Variants in FOCAD observed in about 807,000 individuals in gnomAD.
FOCAD encodes focadhesin.
Under a neutral mutation model 225.6 loss-of-function variants are expected in FOCAD, and 198 were observed. That is an observed-to-expected ratio of 0.88 (90% CI 0.78 to 0.99). FOCAD has a LOEUF of 0.99. Among genes scored for constraint, FOCAD ranks in the 50% least tolerant of loss-of-function variants. The probability of loss-of-function intolerance (pLI) is 0.00; values close to 1 mark genes in which losing one functional copy is unlikely to be tolerated. For missense variants in FOCAD, 2,713 were observed against 2,123.6 expected (o/e 1.28, Z -5.46); for synonymous variants, 897 against 755.0 (o/e 1.19, Z -3.08).
At chr9:20,756,723 T>G (rs1179267688) in intron 5 of FOCAD, among the ~76,000 whole-genome samples, 2 of 152,226 alleles carry the variant, frequency 1.3e-5, no homozygotes, top group Admixed American at 6.5e-5. Flanking sequence ...CAGTTGATCT[T>G]ACTAGTAAGG....
chr9:20,762,937 G>A (rs1030009400), intron 6 of FOCAD, among the ~76,000 whole-genome samples: 7 of 152,070 alleles, frequency 4.6e-5, no homozygotes, highest in African/African-American at 1.4e-4. Flanking sequence ...TTTAAATACC[G>A]TTTCTTCCGT....
At chr9:20,807,663 G>A (rs1822604345) in intron 11 of FOCAD, among the ~76,000 whole-genome samples, 1 of 152,160 alleles carries the variant, frequency 6.6e-6, no homozygotes, top group Non-Finnish European at 1.5e-5. Flanking sequence ...ATGCTCAGTG[G>A]CCATATAAAG....
chr9:20,739,782 T>C (rs1469200149), intron 4 of FOCAD, among the ~76,000 whole-genome samples: 1 of 152,150 alleles, frequency 6.6e-6, no homozygotes, highest in Non-Finnish European at 1.5e-5. Context: ...GCTATTCCCT[T>C]TCTATTAGCT....
At chr9:20,931,120 G>A (rs776140631) in intron 27 of FOCAD, among the ~76,000 whole-genome samples, 11 of 152,154 alleles carry the variant, frequency 7.2e-5, no homozygotes, top group Non-Finnish European at 1.3e-4. Context: ...TGACAAGCTT[G>A]CATTTGTGGT....
At chr9:20,898,343 G>A (rs1221406601) in intron 21 of FOCAD, among the ~76,000 whole-genome samples, 1 of 150,538 alleles carries the variant, frequency 6.6e-6, no homozygotes, top group Non-Finnish European at 1.5e-5. Flanking sequence ...TCGCTTATTT[G>A]TCTGGAATTC....
At chr9:20,965,812 C>G (rs1284651929) in intron 35 of FOCAD, among the ~76,000 whole-genome samples, 1 of 152,136 alleles carries the variant, frequency 6.6e-6, no homozygotes, top group South Asian at 2.1e-4. Context: ...TGGCTTCTTT[C>G]ACTTGGTGTA....
intron 1 of FOCAD, among the ~76,000 whole-genome samples, chr9:20,693,670 T>C (rs1823117908): frequency 6.6e-6 from 1 of 152,184 alleles, no homozygotes; most frequent in Admixed American, 6.5e-5. Flanking sequence ...TCTGAGGAAA[T>C]TCCTGGTCTC....
chr9:20,991,533 C>G (rs1056954227), intron 42 of FOCAD, among the ~76,000 whole-genome samples: 2 of 152,142 alleles, frequency 1.3e-5, no homozygotes, highest in Non-Finnish European at 2.9e-5. Context: ...CAAATTTTGG[C>G]TGGGCACAGT....
intron 33 of FOCAD, among the ~76,000 whole-genome samples, chr9:20,949,931 G>A (rs962333143): frequency 6.6e-6 from 1 of 151,932 alleles, no homozygotes; most frequent in Non-Finnish European, 1.5e-5. Context: ...AAAAATTAAA[G>A]CCTGATTCTG....
At chr9:20,750,384 A>G (rs993629635) in intron 5 of FOCAD, among the ~76,000 whole-genome samples, 1 of 152,162 alleles carries the variant, frequency 6.6e-6, no homozygotes, top group African/African-American at 2.4e-5. Context: ...AATTGTACCC[A>G]CTTATGTAGT....
chr9:20,859,132 C>T (rs542603956), intron 15 of FOCAD, among the ~76,000 whole-genome samples: 21 of 152,062 alleles, frequency 1.4e-4, no homozygotes, highest in African/African-American at 3.6e-4. Flanking sequence ...CCCAGCACTT[C>T]GGGAGGCCGA....
Position 20,764,947 on chromosome 9 carries a change from T to C in FOCAD, c.573T>C (p.Tyr191=). The change falls in exon 7 of 44, where the codon TAT becomes TAC. Residue 191 remains tyrosine (Y), a synonymous_variant. Coordinates refer to ENST00000338382, the MANE Select transcript of FOCAD (RefSeq NM_001375567.1). ...LYCEPSQLQE[Y]AKLRLALLKV... The stretch of plus-strand genomic sequence containing the variant: ...GTGAACCATCTCAGTTACAAGAATA[T>C]GCTAAACTCCGACTAGCCCTGCTGA... 6.2e-7 allele frequency: 1 copy of C among 1,614,152 alleles called. No individual in the cohort carries two copies. The highest frequency in any genetic ancestry group is 8.5e-7 in the Non-Finnish European group (1 of 1,180,010).
intron 19 of FOCAD, among the ~76,000 whole-genome samples, chr9:20,876,241 T>C (rs927341416): frequency 2.0e-5 from 3 of 152,150 alleles, no homozygotes; most frequent in Admixed American, 2.0e-4. Context: ...TCCTACCTCT[T>C]AGCTTTTCAG....
rs974682671 is a variant in FOCAD, at chr9:20,725,547, C to T, written c.287+5013C>T. ...CAGCATTTAGAGCAGATTTTGAAAG[C>T]GTGAAAGAAAGATGGAAGGAAAAGT... On this transcript the variant is annotated intron_variant, in intron 4 of 43. Transcript: ENST00000338382. Among the ~76,000 whole-genome samples the T allele has an allele frequency of 2.2e-4, 34 of 152,076 alleles. 1 individual carries two copies. The highest frequency in any genetic ancestry group is 5.8e-4 in the African/African-American group (24 of 41,390).
intron 15 of FOCAD, among the ~76,000 whole-genome samples, chr9:20,845,442 G>GATATATGTGTATATAT (rs1554703845): frequency 4.1e-5 from 5 of 121,236 alleles, no homozygotes; most frequent in African/African-American, 1.6e-4. Flanking sequence ...TCTTTTCCTC[G>GATATATGTGTATATAT]ATATATATAT....
chr9:20,736,978 G>C (rs1238949562), intron 4 of FOCAD, among the ~76,000 whole-genome samples: 1 of 151,874 alleles, frequency 6.6e-6, no homozygotes, highest in Non-Finnish European at 1.5e-5. Context: ...AGTGGGTTGA[G>C]GGGGATAGTT....
chr9:20,982,730 G>T (rs1278796811), intron 39 of FOCAD, among the ~76,000 whole-genome samples: 1 of 152,176 alleles, frequency 6.6e-6, no homozygotes, highest in Non-Finnish European at 1.5e-5. Context: ...GAAGAAGGTG[G>T]TTGATTGAAA....
intron 14 of FOCAD, 50 bp downstream of exon 14, chr9:20,821,121 T>C (rs1470456253): frequency 1.3e-6 from 2 of 1,529,850 alleles, no homozygotes; most frequent in Non-Finnish European, 1.8e-6. Context: ...TATTATTTTG[T>C]ATTTAATTTT....
intron 15 of FOCAD, among the ~76,000 whole-genome samples, chr9:20,846,397 T>C (rs1827114896): frequency 6.6e-6 from 1 of 152,056 alleles, no homozygotes; most frequent in Non-Finnish European, 1.5e-5. Context: ...ATCTGGTTGC[T>C]CCTCTTTCCC....
Sources: allele counts gnomAD v4.1 joint callset (sites outside exome capture counted in the v4.1 genomes callset), GRCh38; gene constraint gnomAD v4.1.1; transcripts MANE v1.5; gene names NCBI Gene and HGNC (gene_info 2026-07-23, HGNC 2026-07-21).